PHF20: variants seen among roughly 807,000 people sequenced by gnomAD.
The protein encoded by PHF20 is PHD finger protein 20.
In PHF20, 23 loss-of-function variants were observed where a neutral mutation model predicts 113.5. The ratio of observed to expected loss-of-function variants is 0.20; its 90% CI spans 0.15 to 0.29. The LOEUF is 0.29. Among genes scored for constraint, PHF20 ranks in the 10% least tolerant of loss-of-function variants. The pLI, the probability that PHF20 is intolerant of heterozygous loss-of-function variation, is 1.00. For missense variants in PHF20, 943 were observed against 1,219.6 expected (o/e 0.77, Z 3.38); for synonymous variants, 434 against 457.3 (o/e 0.95, Z 0.65).
chr20:35,778,415 C>G (rs2041218517), intron 1 of PHF20, among the ~76,000 whole-genome samples: 1 of 152,090 alleles, frequency 6.6e-6, no homozygotes, highest in African/African-American at 2.4e-5. Context: ...TCCATCTTTG[C>G]CAGTGACTGC....
At chr20:35,778,705 A>G (rs2041223533) in intron 1 of PHF20, among the ~76,000 whole-genome samples, 1 of 150,882 alleles carries the variant, frequency 6.6e-6, no homozygotes, top group Admixed American at 6.6e-5. Context: ...GTGAGCCGAG[A>G]TTACACCACT....
intron 12 of PHF20, 82 bp downstream of exon 12, chr20:35,914,279 G>T: frequency 7.3e-7 from 1 of 1,365,914 alleles, no homozygotes; most frequent in Non-Finnish European, 1.0e-6. Context: ...TATGGGTTTG[G>T]TTCTAGGCCA....
rs188414472 is a variant in PHF20 at position 35,842,383 on chromosome 20, C to A, written c.84-190C>A. ...AATAGTTCATAAACTAAGGAATATG[C>A]AGGTTAGGATTTGGACCTCAAGTCT... On this transcript the variant is annotated intron_variant, in intron 2 of 17. Coordinates refer to ENST00000374012, the MANE Select transcript of PHF20 (RefSeq NM_016436.5). 2.6e-5 allele frequency among the ~76,000 whole-genome samples: 4 copies of A among 152,158 alleles called. No individual in the cohort carries two copies. In the East Asian group the frequency reaches 7.7e-4, roughly 29 times the overall value.
intron 10 of PHF20, among the ~76,000 whole-genome samples, chr20:35,903,304 G>T (rs1293209341): frequency 6.6e-6 from 1 of 151,946 alleles, no homozygotes; most frequent in Non-Finnish European, 1.5e-5. Context: ...ATTATAAAAT[G>T]CTTTAAGGGA....
intron 1 of PHF20, among the ~76,000 whole-genome samples, chr20:35,797,124 C>T (rs1452093731): frequency 6.6e-6 from 1 of 151,894 alleles, no homozygotes; most frequent in African/African-American, 2.4e-5. Flanking sequence ...GCTGGGATTA[C>T]AGGCATGGGC....
At chr20:35,799,534 G>C (rs2041737267) in intron 1 of PHF20, among the ~76,000 whole-genome samples, 1 of 152,038 alleles carries the variant, frequency 6.6e-6, no homozygotes, top group South Asian at 2.1e-4. Flanking sequence ...CTGCTGTAAG[G>C]AAGTGGCCTG....
At chr20:35,808,687 C>A (rs1217160572) in intron 2 of PHF20, among the ~76,000 whole-genome samples, 1 of 151,962 alleles carries the variant, frequency 6.6e-6, no homozygotes, top group Non-Finnish European at 1.5e-5. Context: ...ATTCTCCTGC[C>A]TCAGCCTCCC....
intron 1 of PHF20, among the ~76,000 whole-genome samples, chr20:35,788,866 C>T (rs1478855984): frequency 1.3e-5 from 2 of 152,236 alleles, no homozygotes; most frequent in South Asian, 2.1e-4. Context: ...TGAGCCACCA[C>T]GCCTGGCCAG....
rs972028910 is a variant in PHF20 at position 35,933,634 on chromosome 20, C to T, written c.2300+2190C>T. On this transcript the variant is annotated intron_variant, in intron 15 of 17. Transcript: ENST00000374012. ...GGATGGTCTCGATCTACTGACCTTGCGATCCACCTGCCTCAGCCTCCCAAA... is the reference window on the plus strand; with the variant it reads ...GGATGGTCTCGATCTACTGACCTTGTGATCCACCTGCCTCAGCCTCCCAAA... Among the ~76,000 whole-genome samples the T allele has an allele frequency of 4.6e-5, 7 of 152,060 alleles. 1 individual carries two copies. Among genetic ancestry groups the T allele is most frequent in the South Asian group, 4.1e-4 (2 of 4,822 alleles).
intron 2 of PHF20, among the ~76,000 whole-genome samples, chr20:35,807,033 G>A (rs1298333941): frequency 6.6e-6 from 1 of 151,970 alleles, no homozygotes; most frequent in South Asian, 2.1e-4. Flanking sequence ...CTGACCTTGT[G>A]ATCTGCCCGC....
intron 9 of PHF20, among the ~76,000 whole-genome samples, chr20:35,897,514 A>G (rs2055007968): frequency 6.7e-6 from 1 of 148,370 alleles, no homozygotes; most frequent in African/African-American, 2.5e-5. Flanking sequence ...TAGTTCCCCC[A>G]TAGTGCTGTA....
Position 35,938,799 on chromosome 20 carries a change from G to C in PHF20, c.2403G>C (p.Arg801Ser). 6.2e-7 allele frequency: 1 copy of C among 1,614,188 alleles called. No individual in the cohort carries two copies. Among genetic ancestry groups the C allele is most frequent in the Non-Finnish European group, 8.5e-7 (1 of 1,180,022 alleles). Residue 801 changes from arginine (R) to serine (S), a missense_variant, in exon 16 of 18, where the codon AGG (arginine) becomes AGC (serine). Physicochemically the swap from Arg to Ser is moderately radical, Grantham distance 110. Transcript: ENST00000374012. ...GAAACATCCCTGTCACTGACACCAG[G>C]AGCAAGGAGGAAGCTCCAAGCTATA... ...HFRNIPVTDTRSKEEAPSYRT... is the reference protein window; with the variant it reads ...HFRNIPVTDTSSKEEAPSYRT...
intron 9 of PHF20, among the ~76,000 whole-genome samples, chr20:35,898,221 C>T (rs1260437659): frequency 2.0e-5 from 3 of 152,260 alleles, no homozygotes; most frequent in South Asian, 4.1e-4. Context: ...AAACAAAGTA[C>T]GTGTTGAAAT....
intron 5 of PHF20, among the ~76,000 whole-genome samples, chr20:35,860,185 G>A (rs1270563435): frequency 6.6e-6 from 1 of 151,550 alleles, no homozygotes; most frequent in Non-Finnish European, 1.5e-5. Flanking sequence ...CTAAAGTGCT[G>A]GGATTACAGG....
At chr20:35,931,761 A>G (rs1020735508) in intron 15 of PHF20, among the ~76,000 whole-genome samples, 1 of 151,688 alleles carries the variant, frequency 6.6e-6, no homozygotes, top group Admixed American at 6.6e-5. Context: ...GACCAGCCTG[A>G]CCAACATGGT....
intron 2 of PHF20, among the ~76,000 whole-genome samples, chr20:35,803,124 C>T (rs1173628084): frequency 2.0e-5 from 3 of 148,152 alleles, no homozygotes; most frequent in Admixed American, 6.8e-5. Context: ...TGATGGTGCA[C>T]GCATGTAGTC....
intron 1 of PHF20, among the ~76,000 whole-genome samples, chr20:35,786,374 A>G (rs989392484): frequency 6.6e-6 from 1 of 151,862 alleles, no homozygotes; most frequent in South Asian, 2.1e-4. Context: ...CTGGTGACAC[A>G]GCGCGACTCC....
chr20:35,939,354 G>A (rs1012160104), intron 16 of PHF20, among the ~76,000 whole-genome samples: 2 of 152,068 alleles, frequency 1.3e-5, no homozygotes, highest in East Asian at 1.9e-4. Flanking sequence ...GGTGGGGGGC[G>A]CGGGTGCAGA....
chr20:35,908,050 A>G (rs184107898), intron 10 of PHF20, among the ~76,000 whole-genome samples: 12 of 152,376 alleles, frequency 7.9e-5, no homozygotes, highest in African/African-American at 2.9e-4. Context: ...ATTTGAACCA[A>G]TATTTACAGC....
Sources: allele counts gnomAD v4.1 joint callset (sites outside exome capture counted in the v4.1 genomes callset), GRCh38; gene constraint gnomAD v4.1.1; transcripts MANE v1.5; gene names NCBI Gene and HGNC (gene_info 2026-07-23, HGNC 2026-07-21).